The following ZMYM4 variants were observed in gnomAD, a reference collection of about 807,000 sequenced individuals.
The protein encoded by ZMYM4 is zinc finger MYM-type protein 4.
Under a neutral mutation model 183.2 loss-of-function variants are expected in ZMYM4, and 31 were observed. That is an observed-to-expected ratio of 0.17 (90% confidence interval 0.13 to 0.23). ZMYM4 has a LOEUF of 0.23. Ranked by LOEUF, ZMYM4 falls within the 10% of genes least tolerant of loss-of-function variation. The pLI, the probability that ZMYM4 is intolerant of heterozygous loss-of-function variation, is 1.00. For missense variants in ZMYM4, 1,273 were observed against 1,840.3 expected (o/e 0.69, Z 5.64); for synonymous variants, 592 against 631.2 (o/e 0.94, Z 0.93).
chr1:35,280,176 C>A (rs1640079019), intron 1 of ZMYM4, among the ~76,000 whole-genome samples: 3 of 147,998 alleles, frequency 2.0e-5, no homozygotes. Flanking sequence ...TCCTCCCTTC[C>A]CCCCTTCCCT....
At chr1:35,338,499 T>G (rs970267219) in intron 2 of ZMYM4, among the ~76,000 whole-genome samples, 1 of 152,144 alleles carries the variant, frequency 6.6e-6, no homozygotes, top group Non-Finnish European at 1.5e-5. Flanking sequence ...ATGCTCGGGT[T>G]TTGGTATCTG....
Position 35,298,993 on chromosome 1 carries a change from T to C in ZMYM4, c.40-26367T>C, listed in dbSNP as rs370552167. On this transcript the variant is annotated intron_variant, in intron 1 of 29. Transcript: ENST00000314607. The stretch of plus-strand genomic sequence containing the variant: ...TGGTCTGGTAGTGATGAATTCTCTG[T>C]TTCTGAACAAGTATTTATTTTGCCT... Among the ~76,000 whole-genome samples the C allele has an allele frequency of 9.2e-5, 14 of 152,274 alleles. No individual in the cohort carries two copies. The East Asian group carries it at 2.5e-3, about 27-fold the overall frequency.
chr1:35,276,934 C>G lies in ZMYM4; in HGVS notation c.39+7849C>G, dbSNP rs918867528. On this transcript the variant is annotated intron_variant, in intron 1 of 29. Transcript: ENST00000314607. ...TAATCCCCTTTCTTAACTCATACCC[C>G]CTGTGCTCCTTTCCCATGCTATTTA... Among the ~76,000 whole-genome samples the G allele has an allele frequency of 4.6e-5, 7 of 152,332 alleles. No individual in the cohort carries two copies. The South Asian group carries it at 1.4e-3, about 32-fold the overall frequency.
chr1:35,377,498 T>C (rs1644360781), intron 7 of ZMYM4, among the ~76,000 whole-genome samples: 1 of 152,170 alleles, frequency 6.6e-6, no homozygotes, highest in Non-Finnish European at 1.5e-5. Flanking sequence ...TCAGAGATAT[T>C]CAGGATTTGG....
intron 1 of ZMYM4, among the ~76,000 whole-genome samples, chr1:35,284,847 A>G (rs1640391020): frequency 6.6e-6 from 1 of 152,188 alleles, no homozygotes; most frequent in South Asian, 2.1e-4. Context: ...CATTAATCAC[A>G]TCATGAGAGC....
At chr1:35,350,925 G>A (rs1377360636) in intron 2 of ZMYM4, 11 of 653,954 alleles carry the variant, frequency 1.7e-5, no homozygotes, top group Admixed American at 9.2e-5. Context: ...TGCCCTTATA[G>A]AGGGGGATAT....
chr1:35,383,012 T>C (rs1644499321), intron 9 of ZMYM4, among the ~76,000 whole-genome samples: 1 of 152,202 alleles, frequency 6.6e-6, no homozygotes, highest in Non-Finnish European at 1.5e-5. Flanking sequence ...ATATCATTAA[T>C]TGTTACAGTA....
chr1:35,388,878 C>G (rs761396054), intron 13 of ZMYM4, 32 bp from the exon 14 acceptor site: 1 of 1,604,938 alleles, frequency 6.2e-7, no homozygotes, highest in Non-Finnish European at 8.5e-7. Context: ...ATACTTCTAC[C>G]TAATGTTAAT....
In ZMYM4 at chr1:35,355,118, T is replaced by C. The variant is rs565626580; in HGVS notation, c.86-3807T>C. Reference sequence around the variant, plus strand: ...GCGCAATCTCGGCTCACTGCAAGCTTCGCCTTCCAGGTTCACGCCATTCTC... The same window carrying C: ...GCGCAATCTCGGCTCACTGCAAGCTCCGCCTTCCAGGTTCACGCCATTCTC... On this transcript the variant is annotated intron_variant, in intron 2 of 29. Transcript: ENST00000314607. 8.6e-5 allele frequency among the ~76,000 whole-genome samples: 13 copies of C among 151,646 alleles called. 2 individuals carry two copies. The highest frequency in any genetic ancestry group is 2.7e-4 in the African/African-American group (11 of 41,360).
At chr1:35,350,340 G>A (rs774993459) in intron 2 of ZMYM4, among the ~76,000 whole-genome samples, 2 of 151,552 alleles carry the variant, frequency 1.3e-5, no homozygotes, top group East Asian at 3.9e-4. Context: ...CCAGGCTGGA[G>A]TGCAATGGCA....
chr1:35,316,349 T>C (rs1308737376), intron 1 of ZMYM4, among the ~76,000 whole-genome samples: 1 of 152,228 alleles, frequency 6.6e-6, no homozygotes, highest in Non-Finnish European at 1.5e-5. Context: ...TGTTCTGATA[T>C]GCTTGAATTT....
chr1:35,372,069 T>C (rs1262610149), intron 7 of ZMYM4, among the ~76,000 whole-genome samples: 1 of 152,232 alleles, frequency 6.6e-6, no homozygotes, highest in Non-Finnish European at 1.5e-5. Context: ...AATTTTTATC[T>C]CCTGAGTGCT....
chr1:35,394,162 C>CTTTTTTTTTTTTTTTTTTT lies in ZMYM4; in HGVS notation c.2911+435_2911+453dup, dbSNP rs34277367. On this transcript the variant is annotated intron_variant, in intron 18 of 29. Coordinates refer to ENST00000314607, the MANE Select transcript of ZMYM4 (RefSeq NM_005095.3). Reference sequence around the variant, plus strand: ...CCTTTGAGGAGAGCTTCAGAGCTTTCTTTTTTTTTTTTTTTTTTTTTTTTT... The same window carrying CTTTTTTTTTTTTTTTTTTT: ...CCTTTGAGGAGAGCTTCAGAGCTTTCTTTTTTTTTTTTTTTTTTTTTTTTTTTTTTTTTTTTTTTTTTTT... 5.8e-5 allele frequency among the ~76,000 whole-genome samples: 4 copies of CTTTTTTTTTTTTTTTTTTT among 68,430 alleles called. 1 individual carries two copies. The East Asian group carries it at 2.0e-3, about 35-fold the overall frequency. 44.9% of individuals were successfully genotyped at this position (68,430 alleles called of 152,430 possible).
chr1:35,321,614 C>T (rs1642285005), intron 1 of ZMYM4, among the ~76,000 whole-genome samples: 1 of 150,662 alleles, frequency 6.6e-6, no homozygotes, highest in Non-Finnish European at 1.5e-5. Context: ...TGTGTGTGTC[C>T]TTCCCCTTAA....
chr1:35,351,829 T>C (rs1480433677), intron 2 of ZMYM4, among the ~76,000 whole-genome samples: 1 of 152,264 alleles, frequency 6.6e-6, no homozygotes, highest in East Asian at 1.9e-4. Context: ...ATCAGTATAC[T>C]GCTAAAGCAA....
intron 1 of ZMYM4, among the ~76,000 whole-genome samples, chr1:35,314,339 C>T (rs1413829913): frequency 6.6e-6 from 1 of 151,894 alleles, no homozygotes; most frequent in Admixed American, 6.6e-5. Flanking sequence ...GGCTGGAGTG[C>T]AGTGGCACAA....
chr1:35,385,685 G>A (rs1644560397), intron 10 of ZMYM4, 93 bp downstream of exon 10: 1 of 1,380,796 alleles, frequency 7.2e-7, no homozygotes, highest in Non-Finnish European at 9.6e-7. Flanking sequence ...GATTTTTAAG[G>A]CACATTTAAC....
chr1:35,408,476 A>T (rs979515950), intron 26 of ZMYM4, among the ~76,000 whole-genome samples: 1 of 152,120 alleles, frequency 6.6e-6, no homozygotes, highest in Non-Finnish European at 1.5e-5. Context: ...GGTGGCTCAC[A>T]CCTGTATTCC....
chr1:35,373,586 C>T (rs139721824), intron 7 of ZMYM4, among the ~76,000 whole-genome samples: 17 of 138,662 alleles, frequency 1.2e-4, no homozygotes, highest in South Asian at 4.5e-4. Flanking sequence ...GTAGAGATGG[C>T]GTTTCACCAT....
Sources: allele counts gnomAD v4.1 joint callset (sites outside exome capture counted in the v4.1 genomes callset), GRCh38; gene constraint gnomAD v4.1.1; transcripts MANE v1.5; gene names NCBI Gene and HGNC (gene_info 2026-07-23, HGNC 2026-07-21).